The following MYH9 variants were observed in gnomAD, a reference collection of about 807,000 sequenced individuals.
The protein encoded by MYH9 is myosin-9.
In MYH9, 29 loss-of-function variants were observed where a neutral mutation model predicts 241.9. That is an observed-to-expected ratio of 0.12 (90% CI 0.09 to 0.16). The LOEUF is 0.16. MYH9 is among the 10% of genes least tolerant of loss of function. The pLI is 1.00. For synonymous variants in MYH9, 1,047 were observed against 1,062.6 expected, an observed-to-expected ratio of 0.99 and a Z score of 0.29; for missense variants, 1,803 against 2,595.5, an observed-to-expected ratio of 0.69 and a Z score of 6.63.
At chr22:36,386,392 A>T (rs559416845) in intron 1 of MYH9, among the ~76,000 whole-genome samples, 1 of 152,208 alleles carries the variant, frequency 6.6e-6, no homozygotes, top group South Asian at 2.1e-4. Context: ...TAATTGAGTG[A>T]TTGTCTCAAA....
At position 36,341,393 on chromosome 22, in the gene MYH9, G is replaced by C. The variant is rs931698088; in HGVS notation, c.467C>G (p.Thr156Ser). The part of the protein sequence containing the change: ...MPPHIYAITD[T>S]AYRSMMQDRE... ...ACCTTGCATCATACTCCTGTAGGCGGTGTCTGTGATGGCATAGATGTGAGG... is the reference window on the plus strand; with the variant it reads ...ACCTTGCATCATACTCCTGTAGGCGCTGTCTGTGATGGCATAGATGTGAGG... The change falls in exon 3 of 41, where the codon ACC becomes AGC. Residue 156 changes from threonine to serine, a missense_variant. Around this residue, in one of 11 missense-constraint regions of MYH9, gnomAD observed 72 missense variants for 134.3 expected, o/e 0.54. Coordinates refer to ENST00000216181, the MANE Select transcript of MYH9 (RefSeq NM_002473.6). 5 of 1,613,920 alleles carry C rather than the reference G, an allele frequency of 3.1e-6. No homozygotes were observed. The highest frequency in any genetic ancestry group is 4.2e-6 in the Non-Finnish European group (5 of 1,179,952).
chr22:36,286,552 G>T (rs368428329), intron 35 of MYH9, among the ~76,000 whole-genome samples, 166 bp downstream of exon 35: 1 of 152,168 alleles, frequency 6.6e-6, no homozygotes, highest in African/African-American at 2.4e-5. Context: ...AGGGAGCCCC[G>T]CTATGAAACG....
intron 3 of MYH9, among the ~76,000 whole-genome samples, chr22:36,328,014 G>A (rs552337926): frequency 2.0e-5 from 3 of 152,336 alleles, no homozygotes; most frequent in African/African-American, 2.4e-5. Flanking sequence ...CCTGAGACCC[G>A]GGACAGGTGC....
At position 36,305,418 on chromosome 22, in the gene MYH9, A is replaced by T. The variant is rs2016952684; in HGVS notation, c.2160-316T>A. ...CCTCATCTGTCACCCAGGGACAGCC[A>T]TGTTCACACAGCTTCCCTGGGACGC... On this transcript the variant is annotated intron_variant, in intron 17 of 40. Transcript: ENST00000216181. The surrounding 1 kb of genome is among the most constrained non-coding windows in gnomAD (Gnocchi z 4.7). Among the ~76,000 whole-genome samples, 1 of 152,182 alleles carries T rather than the reference A, an allele frequency of 6.6e-6. No individual in the cohort carries two copies. Among genetic ancestry groups the T allele is most frequent in the African/African-American group, 2.4e-5 (1 of 41,436 alleles).
chr22:36,353,282 C>T (rs765302533), intron 1 of MYH9, among the ~76,000 whole-genome samples: 17 of 152,276 alleles, frequency 1.1e-4, no homozygotes, highest in African/African-American at 3.8e-4. Flanking sequence ...GCGGGATACC[C>T]GGGAGGTAGT....
chr22:36,321,896 GC>G (rs1418020835), intron 6 of MYH9, 75 bp from the exon 7 acceptor site: 1 of 1,273,822 alleles, frequency 7.9e-7, no homozygotes, highest in Non-Finnish European at 1.1e-6. Context: ...GGAGACCACA[GC>G]CCCCCGCCCC....
At chr22:36,360,581 C>T (rs992105014) in intron 1 of MYH9, among the ~76,000 whole-genome samples, 6 of 151,644 alleles carry the variant, frequency 4.0e-5, no homozygotes, top group South Asian at 2.1e-4. Context: ...GGCATGGTGG[C>T]GGGCACCTGT....
At chr22:36,341,269 T>C (rs1024460898) in intron 3 of MYH9, 101 bp downstream of exon 3, 23 of 1,458,646 alleles carry the variant, frequency 1.6e-5, no homozygotes, top group Non-Finnish European at 2.1e-5. Flanking sequence ...CACCAGCCAC[T>C]AGATCAATGT....
At chr22:36,336,470 AG>A (rs1273678856) in intron 3 of MYH9, among the ~76,000 whole-genome samples, 34 of 152,240 alleles carry the variant, frequency 2.2e-4, no homozygotes, top group African/African-American at 8.0e-4. Flanking sequence ...CTGCCTGGCA[AG>A]GGCCAGCAAC....
In MYH9 at chr22:36,282,545, A is replaced by G; in HGVS notation, c.*123T>C. On this transcript the variant is annotated 3_prime_UTR_variant, in exon 41 of 41. Coordinates refer to ENST00000216181, the MANE Select transcript of MYH9 (RefSeq NM_002473.6). Reference sequence around the variant, plus strand: ...GAAACGGGATGGGGGGACGGGGCGGAGGGCAGGAGGAGGCATGTTCACAGC... The same window carrying G: ...GAAACGGGATGGGGGGACGGGGCGGGGGGCAGGAGGAGGCATGTTCACAGC... 1.1e-6 allele frequency: 1 copy of G among 926,422 alleles called. No individual in the cohort carries two copies. The highest frequency in any genetic ancestry group is 1.8e-6 in the Non-Finnish European group (1 of 565,010). 57.4% of individuals were successfully genotyped at this position (926,422 alleles called of 1,614,324 possible).
rs1020894800 is a variant in MYH9, at chr22:36,282,200, T to C, written c.*468A>G. On this transcript the variant is annotated 3_prime_UTR_variant, in exon 41 of 41. Transcript: ENST00000216181. Reference sequence around the variant, plus strand: ...AGGTGTGTGAGGTCACCACGTGTGATTGCAAACAGCAAAGAAAGGAGGAGG... The same window carrying C: ...AGGTGTGTGAGGTCACCACGTGTGACTGCAAACAGCAAAGAAAGGAGGAGG... 22 of 343,402 alleles carry C rather than the reference T, an allele frequency of 6.4e-5. 1 individual carries two copies. The highest frequency in any genetic ancestry group is 1.7e-3 in the Middle Eastern group (2 of 1,192). 21.3% of individuals were successfully genotyped at this position (343,402 alleles called of 1,614,324 possible). A position where few individuals can be genotyped will look rare whatever the true frequency, so the allele number is the denominator to read the frequency against.
intron 1 of MYH9, among the ~76,000 whole-genome samples, chr22:36,365,537 G>A (rs559064879): frequency 2.0e-5 from 3 of 152,126 alleles, no homozygotes; most frequent in South Asian, 4.2e-4. Flanking sequence ...CACAATCTTG[G>A]CTCGCTGCAA....
intron 18 of MYH9, among the ~76,000 whole-genome samples, chr22:36,304,792 C>A (rs1050975639): frequency 5.9e-5 from 9 of 152,238 alleles, no homozygotes; most frequent in African/African-American, 2.2e-4. Flanking sequence ...CATCAGAGCC[C>A]GGCCATGGCT....
In MYH9 at chr22:36,296,833, G is replaced by T; in HGVS notation, c.3272+10C>A. On this transcript the variant is annotated intron_variant, in intron 25 of 40. Coordinates refer to ENST00000216181, the MANE Select transcript of MYH9 (RefSeq NM_002473.6). ...CCACCTGGCCTCAGGCGGGCAGGCG[G>T]GGTCCTCACCTGGCCAGGGCGGCCT... 6.2e-7 allele frequency: 1 copy of T among 1,600,690 alleles called. No homozygotes were observed. Among genetic ancestry groups the T allele is most frequent in the East Asian group, 2.2e-5 (1 of 44,604 alleles).
At chr22:36,287,673 C>T (rs941441642) in intron 34 of MYH9, among the ~76,000 whole-genome samples, 17 of 152,118 alleles carry the variant, frequency 1.1e-4, no homozygotes, top group Non-Finnish European at 2.2e-4. Context: ...ACCCGGGAGG[C>T]GGAGCTTGCA....
At position 36,288,245 on chromosome 22, in the gene MYH9, C is replaced by A. The variant is rs1168683455; in HGVS notation, c.4932+7G>T. Reference sequence around the variant, plus strand: ...CCCACCCTCACCTGGGCCCCGCCCACCCTTACCTGCAGCTTCCGCAGCTGT... The same window carrying A: ...CCCACCCTCACCTGGGCCCCGCCCAACCTTACCTGCAGCTTCCGCAGCTGT... On this transcript the variant is annotated splice_region_variant and intron_variant, in intron 34 of 40. Coordinates refer to ENST00000216181, the MANE Select transcript of MYH9 (RefSeq NM_002473.6). The surrounding 1 kb of genome is among the most constrained non-coding windows in gnomAD (Gnocchi z 4.8). The A allele has an allele frequency of 1.9e-6, 3 of 1,613,750 alleles. No individual in the cohort carries two copies. In the Admixed American group the frequency reaches 5.0e-5, roughly 27 times the overall value.
chr22:36,353,996 G>A (rs1416856606), intron 1 of MYH9, among the ~76,000 whole-genome samples: 1 of 152,164 alleles, frequency 6.6e-6, no homozygotes, highest in Admixed American at 6.5e-5. Context: ...CATCTCCTGG[G>A]TTCAAGCGAT....
chr22:36,342,484 C>T (rs560005644), intron 2 of MYH9, among the ~76,000 whole-genome samples: 1 of 152,322 alleles, frequency 6.6e-6, no homozygotes, highest in East Asian at 1.9e-4. Context: ...AGTTTACACA[C>T]ATCTGTCCTT....
chr22:36,296,540 C>CTTTTTT (rs67917055), intron 25 of MYH9, among the ~76,000 whole-genome samples: 1 of 100,890 alleles, frequency 9.9e-6, no homozygotes, highest in African/African-American at 4.0e-5. Flanking sequence ...CTGGTCAAGT[C>CTTTTTT]TTTTTTTTTT....
Sources: allele counts gnomAD v4.1 joint callset (sites outside exome capture counted in the v4.1 genomes callset), GRCh38; gene constraint gnomAD v4.1.1; regional missense constraint gnomAD v4.1.1; non-coding constraint Gnocchi (gnomAD v3.1); transcripts MANE v1.5; gene names NCBI Gene and HGNC (gene_info 2026-07-23, HGNC 2026-07-21).